Variants in EBF1 observed in about 807,000 individuals in gnomAD.
EBF1 encodes transcription factor COE1.
A neutral mutation model predicts 68.4 loss-of-function variants in EBF1; 10 were observed. The ratio of observed to expected loss-of-function variants is 0.15; its 90% CI spans 0.09 to 0.25. The LOEUF (loss-of-function observed/expected upper bound fraction) is 0.25. Among genes scored for constraint, EBF1 ranks in the 10% least tolerant of loss-of-function variants. The pLI is 1.00. For missense variants in EBF1, 509 were observed against 794.4 expected (o/e 0.64, Z 4.32); for synonymous variants, 298 against 299.8 (o/e 0.99, Z 0.06).
chr5:158,820,075 C>G (rs1163185784), intron 8 of EBF1, among the ~76,000 whole-genome samples: 2 of 152,092 alleles, frequency 1.3e-5, no homozygotes, highest in South Asian at 4.2e-4. Flanking sequence ...AGGTGAGCCA[C>G]AAAAGGAAAC....
rs1297877316 is a variant in EBF1, at chr5:158,697,835, C to G, written c.*1276G>C. On this transcript the variant is annotated 3_prime_UTR_variant, in exon 16 of 16. Coordinates refer to ENST00000313708, the MANE Select transcript of EBF1 (RefSeq NM_024007.5). The stretch of plus-strand genomic sequence containing the variant: ...AAAAAATATCAGGCAAATGCATCCT[C>G]AGAGCTTTGCTGCATCTTTGCTATT... 2 of 209,410 alleles carry G rather than the reference C, an allele frequency of 9.6e-6. No homozygotes were observed. Among genetic ancestry groups the G allele is most frequent in the East Asian group, 1.4e-4 (2 of 13,874 alleles). 13.0% of individuals were successfully genotyped at this position (209,410 alleles called of 1,614,324 possible).
chr5:158,778,955 T>G (rs1392240913), intron 9 of EBF1, among the ~76,000 whole-genome samples: 2 of 152,182 alleles, frequency 1.3e-5, no homozygotes, highest in Non-Finnish European at 2.9e-5. Context: ...GTCTTTTTTT[T>G]TCCTGTTGTT....
At chr5:158,784,520 A>G (rs1217650913) in intron 9 of EBF1, among the ~76,000 whole-genome samples, 1 of 152,192 alleles carries the variant, frequency 6.6e-6, no homozygotes, top group Non-Finnish European at 1.5e-5. Context: ...CAATTCCAAG[A>G]TAAGCCTTTA....
At chr5:158,881,184 G>A (rs530205382) in intron 6 of EBF1, among the ~76,000 whole-genome samples, 2 of 152,156 alleles carry the variant, frequency 1.3e-5, no homozygotes, top group African/African-American at 4.8e-5. Context: ...AGTGTTGGGG[G>A]AAAGAGCCAC....
chr5:158,992,956 T>G (rs1291774148), intron 6 of EBF1, among the ~76,000 whole-genome samples: 1 of 140,194 alleles, frequency 7.1e-6, no homozygotes, highest in Non-Finnish European at 1.5e-5. Flanking sequence ...TGAGACGGAG[T>G]CTTGCTCTGT....
At chr5:159,047,381 C>T (rs541720082) in intron 6 of EBF1, among the ~76,000 whole-genome samples, 50 of 152,244 alleles carry the variant, frequency 3.3e-4, no homozygotes, top group Admixed American at 8.5e-4. Context: ...CTTACTTTGG[C>T]TCCTATAAGG....
chr5:158,999,181 C>G (rs1762031052), intron 6 of EBF1, among the ~76,000 whole-genome samples: 1 of 152,140 alleles, frequency 6.6e-6, no homozygotes, highest in Non-Finnish European at 1.5e-5. Context: ...TATGCTGCAG[C>G]CTGAAACACT....
Position 158,712,973 on chromosome 5 carries a change from G to T in EBF1, c.1366C>A (p.Gln456Lys). The change falls in exon 13 of 16, where the codon CAG (glutamine) becomes AAG (lysine). Residue 456 changes from glutamine (Q) to lysine (K), a missense_variant. Gln to Lys is a moderately conservative substitution (Grantham distance 53, BLOSUM62 1). Around this residue, in one of 3 missense-constraint regions of EBF1, gnomAD observed 205 missense variants for 247.4 expected, o/e 0.83. Transcript: ENST00000313708. ...AAGAGAAAAGCAAGCTTCTGACCCT[G>T]ATTGGTGGCTTGTGATGCCTCGGAG... ...NVSEASQATN[Q>K]GFTRNSSSVS... 1 of 1,488,884 alleles carries T rather than the reference G, an allele frequency of 6.7e-7. No individual in the cohort carries two copies. Among genetic ancestry groups the T allele is most frequent in the South Asian group, 1.4e-5 (1 of 70,322 alleles). The allele number at this position is 1,488,884 out of a possible 1,614,324, so 92.2% of individuals were successfully genotyped here. A position where few individuals can be genotyped will look rare whatever the true frequency, so the allele number is the denominator to read the frequency against.
At chr5:159,030,668 G>A (rs1239032795) in intron 6 of EBF1, among the ~76,000 whole-genome samples, 1 of 152,224 alleles carries the variant, frequency 6.6e-6, no homozygotes, top group Non-Finnish European at 1.5e-5. Context: ...GTCTGGGAAA[G>A]AGAAAGAAGT....
intron 6 of EBF1, among the ~76,000 whole-genome samples, chr5:159,003,145 T>A (rs909938363): frequency 4.0e-5 from 6 of 151,128 alleles, no homozygotes; most frequent in Non-Finnish European, 7.3e-5. Flanking sequence ...TCTTTCTGTC[T>A]GTTTGAACTG....
chr5:158,854,443 G>C lies in EBF1; in HGVS notation c.555-14333C>G, dbSNP rs973687503. On this transcript the variant is annotated intron_variant, in intron 6 of 15. Coordinates refer to ENST00000313708, the MANE Select transcript of EBF1 (RefSeq NM_024007.5). ...TTTGGCAGCTGACGGGTTGGGTGAAGGGAGAAGTTGGGAAAAGCATCTGGT... is the reference window on the plus strand; with the variant it reads ...TTTGGCAGCTGACGGGTTGGGTGAACGGAGAAGTTGGGAAAAGCATCTGGT... 2.0e-5 allele frequency among the ~76,000 whole-genome samples: 3 copies of C among 152,224 alleles called. No homozygotes were observed. The South Asian group carries it at 6.2e-4, about 32-fold the overall frequency.
intron 6 of EBF1, among the ~76,000 whole-genome samples, chr5:159,008,378 A>G (rs71593319): frequency 0.021 from 3,257 of 152,240 alleles, 60 homozygotes; most frequent in Middle Eastern, 0.044. Context: ...ACACACACAC[A>G]CTTTAGTTAA....
chr5:159,073,178 G>A (rs1207979425), intron 6 of EBF1, among the ~76,000 whole-genome samples: 1 of 152,164 alleles, frequency 6.6e-6, no homozygotes, highest in East Asian at 1.9e-4. Flanking sequence ...TTAGGAGCAT[G>A]AATCAGACAA....
chr5:158,714,674 G>C (rs1286566634), intron 11 of EBF1, among the ~76,000 whole-genome samples: 1 of 152,116 alleles, frequency 6.6e-6, no homozygotes, highest in African/African-American at 2.4e-5. Flanking sequence ...TTGGATGGTA[G>C]AGACATAATA....
At chr5:158,773,555 C>T (rs1366373739) in intron 10 of EBF1, among the ~76,000 whole-genome samples, 1 of 152,100 alleles carries the variant, frequency 6.6e-6, no homozygotes, top group East Asian at 1.9e-4. Flanking sequence ...GTACAGCTCT[C>T]AGGGTACCCC....
chr5:158,753,683 T>C (rs1233331551), intron 10 of EBF1, among the ~76,000 whole-genome samples: 4 of 152,146 alleles, frequency 2.6e-5, no homozygotes, highest in Non-Finnish European at 4.4e-5. Context: ...TTTTTAGCAA[T>C]GTAGACTGTT....
At chr5:158,703,157 A>G (rs1363920880) in intron 15 of EBF1, among the ~76,000 whole-genome samples, 2 of 152,170 alleles carry the variant, frequency 1.3e-5, no homozygotes, top group Non-Finnish European at 2.9e-5. Context: ...TCTAAGCAGC[A>G]TAAGCTTCAG....
chr5:159,020,806 T>C (rs1337018269), intron 6 of EBF1, among the ~76,000 whole-genome samples: 1 of 152,248 alleles, frequency 6.6e-6, no homozygotes, highest in African/African-American at 2.4e-5. Flanking sequence ...AAGTAGATGC[T>C]CAGAAAATAT....
chr5:158,901,979 T>C (rs1803465253), intron 6 of EBF1, among the ~76,000 whole-genome samples: 1 of 152,132 alleles, frequency 6.6e-6, no homozygotes, highest in Non-Finnish European at 1.5e-5. Context: ...TAGTCTCAGC[T>C]ACTCAGGAGG....
Sources: allele counts gnomAD v4.1 joint callset (sites outside exome capture counted in the v4.1 genomes callset), GRCh38; gene constraint gnomAD v4.1.1; regional missense constraint gnomAD v4.1.1; transcripts MANE v1.5; gene names NCBI Gene and HGNC (gene_info 2026-07-23, HGNC 2026-07-21).